TAFA2: variants seen among roughly 807,000 people sequenced by gnomAD.
The protein encoded by TAFA2 is TAFA chemokine like family member 2, also known as chemokine-like protein TAFA-2.
Under a neutral mutation model 18.8 loss-of-function variants are expected in TAFA2, and 7 were observed. The ratio of observed to expected loss-of-function variants is 0.37; its 90% CI spans 0.21 to 0.70. TAFA2 has a LOEUF of 0.70. Ranked by LOEUF, TAFA2 falls within the 30% of genes least tolerant of loss-of-function variation. TAFA2 has a pLI of 0.53. For missense variants in TAFA2, 122 were observed against 158.1 expected (o/e 0.77, Z 1.23); for synonymous variants, 60 against 54.2 (o/e 1.11, Z -0.47).
intron 1 of TAFA2, among the ~76,000 whole-genome samples, chr12:62,081,143 C>G (rs963594984): frequency 6.6e-6 from 1 of 152,018 alleles, no homozygotes; most frequent in Non-Finnish European, 1.5e-5. Flanking sequence ...TGCAGTGAAC[C>G]GAGATCGCGC....
chr12:61,812,110 T>C (rs1210093302), intron 2 of TAFA2, among the ~76,000 whole-genome samples: 2 of 151,396 alleles, frequency 1.3e-5, no homozygotes, highest in Non-Finnish European at 2.9e-5. Context: ...AGCAGCATGA[T>C]GCAACCTGGC....
At chr12:62,257,297 G>A (rs1305136526) in intron 1 of TAFA2, among the ~76,000 whole-genome samples, 1 of 151,530 alleles carries the variant, frequency 6.6e-6, no homozygotes, top group Non-Finnish European at 1.5e-5. Flanking sequence ...AACTTATCTT[G>A]AAATTCTCCT....
At chr12:61,875,683 A>G (rs967390363) in intron 1 of TAFA2, among the ~76,000 whole-genome samples, 1 of 152,152 alleles carries the variant, frequency 6.6e-6, no homozygotes, top group African/African-American at 2.4e-5. Context: ...TGAGATCTAG[A>G]CAACACTAAA....
intron 1 of TAFA2, among the ~76,000 whole-genome samples, chr12:61,960,359 T>C (rs575939136): frequency 1.3e-5 from 2 of 152,176 alleles, no homozygotes; most frequent in Admixed American, 1.3e-4. Flanking sequence ...ACATTGTATG[T>C]TATTTAAAAA....
At chr12:62,148,176 T>C (rs1182713323) in intron 1 of TAFA2, among the ~76,000 whole-genome samples, 2 of 152,086 alleles carry the variant, frequency 1.3e-5, no homozygotes, top group East Asian at 3.9e-4. Context: ...AAACTAAAAA[T>C]AAAATTACCA....
chr12:62,108,074 G>T (rs1305822168), intron 1 of TAFA2, among the ~76,000 whole-genome samples: 1 of 152,066 alleles, frequency 6.6e-6, no homozygotes, highest in Non-Finnish European at 1.5e-5. Context: ...TGCCATGGTG[G>T]TTTGCTGCAC....
intron 1 of TAFA2, among the ~76,000 whole-genome samples, chr12:62,218,714 T>C: frequency 6.6e-6 from 1 of 152,350 alleles, no homozygotes; most frequent in South Asian, 2.1e-4. Context: ...TTGGATATAA[T>C]ATTATACATA....
chr12:61,887,846 TG>T (rs1246567349), intron 1 of TAFA2, among the ~76,000 whole-genome samples: 2 of 151,858 alleles, frequency 1.3e-5, no homozygotes, highest in Non-Finnish European at 2.9e-5. Flanking sequence ...GTTGGACATT[TG>T]GGTTGGTTCC....
At chr12:62,014,477 C>A (rs539766827) in intron 1 of TAFA2, among the ~76,000 whole-genome samples, 1 of 151,998 alleles carries the variant, frequency 6.6e-6, no homozygotes, top group East Asian at 1.9e-4. Flanking sequence ...AAAAAAAATA[C>A]AAAAATTAGC....
rs577912096 is a variant in TAFA2 at position 61,736,978 on chromosome 12, C to T, written c.384+16644G>A. Among the ~76,000 whole-genome samples, 23 of 152,020 alleles carry T rather than the reference C, an allele frequency of 1.5e-4. 1 individual carries two copies. The highest frequency in any genetic ancestry group is 5.1e-4 in the African/African-American group (21 of 41,506). On this transcript the variant is annotated intron_variant, in intron 4 of 4. Transcript: ENST00000416284. The stretch of plus-strand genomic sequence containing the variant: ...ACTGCACTAATTTCTTCAACTTTCC[C>T]ATCATAAAGATGAGACATAGAGATA...
intron 2 of TAFA2, among the ~76,000 whole-genome samples, chr12:61,863,195 G>A (rs1283582372): frequency 6.6e-6 from 1 of 152,166 alleles, no homozygotes; most frequent in African/African-American, 2.4e-5. Flanking sequence ...ATCAGTCTGT[G>A]CTCCTTACAC....
intron 2 of TAFA2, among the ~76,000 whole-genome samples, chr12:61,847,014 A>G (rs921501596): frequency 3.9e-5 from 6 of 152,038 alleles, no homozygotes; most frequent in Admixed American, 3.3e-4. Flanking sequence ...CTGCCCTCCA[A>G]CCAACTACAC....
chr12:62,059,064 C>T (rs1056894023), intron 1 of TAFA2, among the ~76,000 whole-genome samples: 3 of 151,800 alleles, frequency 2.0e-5, no homozygotes, highest in Non-Finnish European at 4.4e-5. Context: ...GATCACGGCA[C>T]TGCACTCCAG....
chr12:61,924,170 ATAT>A (rs1877179515), intron 1 of TAFA2, among the ~76,000 whole-genome samples: 2 of 152,172 alleles, frequency 1.3e-5, no homozygotes. Flanking sequence ...GCACTTCAAG[ATAT>A]TATCCAGGAG....
intron 1 of TAFA2, among the ~76,000 whole-genome samples, chr12:62,247,978 G>A (rs983712387): frequency 4.6e-5 from 7 of 152,098 alleles, no homozygotes; most frequent in African/African-American, 1.7e-4. Context: ...TTTTGATGCA[G>A]AATTTTTTGC....
At chr12:61,937,611 G>A (rs1877823578) in intron 1 of TAFA2, among the ~76,000 whole-genome samples, 1 of 152,114 alleles carries the variant, frequency 6.6e-6, no homozygotes, top group East Asian at 1.9e-4. Flanking sequence ...ACATGTAGAA[G>A]AATGAACCTG....
At chr12:61,812,965 C>T (rs183679630) in intron 2 of TAFA2, among the ~76,000 whole-genome samples, 2 of 151,530 alleles carry the variant, frequency 1.3e-5, no homozygotes, top group Admixed American at 1.3e-4. Context: ...TTATCTCCTT[C>T]CCTAATTTTC....
At chr12:62,117,671 G>A (rs940027232) in intron 1 of TAFA2, among the ~76,000 whole-genome samples, 1 of 152,036 alleles carries the variant, frequency 6.6e-6, no homozygotes. Flanking sequence ...AGTAGAATGA[G>A]TCCTATGTTT....
intron 4 of TAFA2, among the ~76,000 whole-genome samples, chr12:61,732,350 G>T (rs1041141129): frequency 1.3e-5 from 2 of 152,072 alleles, no homozygotes; most frequent in African/African-American, 2.4e-5. Context: ...TTGTTTATTC[G>T]ATGAATAACT....
Sources: allele counts gnomAD v4.1 joint callset (sites outside exome capture counted in the v4.1 genomes callset), GRCh38; gene constraint gnomAD v4.1.1; transcripts MANE v1.5; gene names NCBI Gene and HGNC (gene_info 2026-07-23, HGNC 2026-07-21).